The following PCDH15 variants were observed in gnomAD, a reference collection of about 807,000 sequenced individuals.
PCDH15 encodes protocadherin-15.
A neutral mutation model predicts 178.5 loss-of-function variants in PCDH15; 129 were observed. The observed-to-expected ratio is 0.72, with a 90% CI of 0.63 to 0.84. PCDH15 has a LOEUF of 0.84. Ranked by LOEUF, PCDH15 falls within the 40% of genes least tolerant of loss-of-function variation. The probability of loss-of-function intolerance (pLI) is 0.00; values close to 1 mark genes in which losing one functional copy is unlikely to be tolerated. For missense variants in PCDH15, 2,230 were observed against 2,099.9 expected (o/e 1.06, Z -1.21); for synonymous variants, 800 against 732.0 (o/e 1.09, Z -1.50).
intron 25 of PCDH15, among the ~76,000 whole-genome samples, chr10:53,915,210 A>G (rs2083436155): frequency 6.6e-6 from 1 of 152,238 alleles, no homozygotes; most frequent in South Asian, 2.1e-4. Flanking sequence ...TGTGCCCACT[A>G]GACAGAATTA....
intron 2 of PCDH15, among the ~76,000 whole-genome samples, chr10:55,156,049 A>C (rs1209006394): frequency 6.6e-6 from 1 of 152,088 alleles, no homozygotes; most frequent in African/African-American, 2.4e-5. Flanking sequence ...CCACGAAGAG[A>C]ACAATGATTT....
intron 2 of PCDH15, among the ~76,000 whole-genome samples, chr10:55,493,766 T>C (rs1413744075): frequency 6.6e-6 from 1 of 151,858 alleles, no homozygotes; most frequent in African/African-American, 2.4e-5. Context: ...TGGAGGAAAT[T>C]CTTCAGACTG....
intron 1 of PCDH15, among the ~76,000 whole-genome samples, chr10:55,271,380 G>A (rs12769594): frequency 6.6e-6 from 1 of 151,808 alleles, no homozygotes; most frequent in Non-Finnish European, 1.5e-5. Context: ...GAGAAAAAAA[G>A]GATTTTTTTC....
intron 18 of PCDH15, among the ~76,000 whole-genome samples, chr10:54,034,227 T>A (rs2093365497): frequency 6.6e-6 from 1 of 151,938 alleles, no homozygotes; most frequent in Non-Finnish European, 1.5e-5. Context: ...ATACTATCAA[T>A]CATTTCATTT....
At chr10:54,796,614 T>G (rs975241919) in intron 1 of PCDH15, among the ~76,000 whole-genome samples, 2 of 151,896 alleles carry the variant, frequency 1.3e-5, no homozygotes. Context: ...TAAGTGTATA[T>G]CTCAGTTTCT....
chr10:54,399,574 G>C (rs1410057690), intron 3 of PCDH15, among the ~76,000 whole-genome samples: 1 of 152,066 alleles, frequency 6.6e-6, no homozygotes, highest in East Asian at 1.9e-4. Context: ...AAGAACTTTT[G>C]CAGATTAATG....
chr10:55,108,946 C>T (rs529289180), intron 2 of PCDH15, among the ~76,000 whole-genome samples: 18 of 152,224 alleles, frequency 1.2e-4, no homozygotes, highest in African/African-American at 4.3e-4. Flanking sequence ...ATGATCCCCA[C>T]GTTCAAGTAC....
chr10:54,772,938 A>G (rs1296171767), intron 1 of PCDH15, among the ~76,000 whole-genome samples: 1 of 152,210 alleles, frequency 6.6e-6, no homozygotes, highest in Non-Finnish European at 1.5e-5. Flanking sequence ...TGCAGCATAA[A>G]AAGGAATGAG....
intron 3 of PCDH15, among the ~76,000 whole-genome samples, chr10:54,437,543 A>T (rs1488913477): frequency 6.6e-6 from 1 of 152,170 alleles, no homozygotes; most frequent in Non-Finnish European, 1.5e-5. Context: ...ATGTATAATG[A>T]TAACATGATA....
intron 2 of PCDH15, among the ~76,000 whole-genome samples, chr10:54,988,444 T>C (rs1265184940): frequency 6.6e-6 from 1 of 152,174 alleles, no homozygotes; most frequent in African/African-American, 2.4e-5. Context: ...TGGAACTTCC[T>C]AGAGACTCAT....
At chr10:54,199,344 G>A (rs1355436452) in intron 10 of PCDH15, among the ~76,000 whole-genome samples, 1 of 151,814 alleles carries the variant, frequency 6.6e-6, no homozygotes, top group Non-Finnish European at 1.5e-5. Flanking sequence ...TTATATTCAA[G>A]GCCACATAGG....
chr10:53,969,915 G>C (rs1396367344), intron 21 of PCDH15, among the ~76,000 whole-genome samples: 2 of 152,176 alleles, frequency 1.3e-5, no homozygotes, highest in African/African-American at 2.4e-5. Flanking sequence ...ATGCCAAATT[G>C]TAAAGACCAT....
At chr10:55,341,997 C>T (rs1844613190) in intron 2 of PCDH15, among the ~76,000 whole-genome samples, 1 of 149,458 alleles carries the variant, frequency 6.7e-6, no homozygotes, top group Non-Finnish European at 1.5e-5. Context: ...TAGATTTGAA[C>T]AGGATTAGAG....
At position 53,834,968 on chromosome 10, in the gene PCDH15, G is replaced by A. The variant is rs547951790; in HGVS notation, c.3984-3435C>T. Among the ~76,000 whole-genome samples the A allele has an allele frequency of 1.4e-3, 208 of 152,302 alleles. 7 individuals carry two copies. The South Asian group carries it at 0.039, about 28-fold the overall frequency. On this transcript the variant is annotated intron_variant, in intron 29 of 37. Transcript: ENST00000644397. The stretch of plus-strand genomic sequence containing the variant: ...TGTAGGTACACAATTTAGGCGTACA[G>A]AGTGGGCAGTGGTTAACATATCTAC...
intron 15 of PCDH15, among the ~76,000 whole-genome samples, chr10:54,100,653 T>C (rs1236168656): frequency 6.6e-6 from 1 of 152,158 alleles, no homozygotes; most frequent in Non-Finnish European, 1.5e-5. Context: ...GAAAGAAGAA[T>C]GCACAATAGA....
At chr10:55,341,776 TA>T (rs1844567899) in intron 2 of PCDH15, among the ~76,000 whole-genome samples, 1 of 10,600 alleles carries the variant, frequency 9.4e-5, no homozygotes, top group African/African-American at 4.0e-4. Flanking sequence ...TATATATATA[TA>T]TATATATATA....
At chr10:54,085,555 C>T (rs2136005605) in intron 16 of PCDH15, among the ~76,000 whole-genome samples, 1 of 152,178 alleles carries the variant, frequency 6.6e-6, no homozygotes, top group East Asian at 1.9e-4. Flanking sequence ...TCATATGCCA[C>T]TATCAAGACA....
chr10:55,043,298 C>T (rs1840914075), intron 2 of PCDH15, among the ~76,000 whole-genome samples: 1 of 151,964 alleles, frequency 6.6e-6, no homozygotes, highest in East Asian at 1.9e-4. Context: ...AATCATCTGT[C>T]CTTTTTTTAT....
intron 2 of PCDH15, among the ~76,000 whole-genome samples, chr10:55,562,291 TAA>T (rs1842215746): frequency 6.6e-6 from 1 of 151,996 alleles, no homozygotes; most frequent in South Asian, 2.1e-4. Flanking sequence ...GAAATTGAAA[TAA>T]GATTAGCTAT....
Sources: allele counts gnomAD v4.1 joint callset (sites outside exome capture counted in the v4.1 genomes callset), GRCh38; gene constraint gnomAD v4.1.1; transcripts MANE v1.5; gene names NCBI Gene and HGNC (gene_info 2026-07-23, HGNC 2026-07-21).